The following ENAH variants were observed in gnomAD, a reference collection of about 807,000 sequenced individuals.
ENAH encodes ENAH actin regulator.
Under a neutral mutation model 78.7 loss-of-function variants are expected in ENAH, and 23 were observed. That is an observed-to-expected ratio of 0.29 (90% CI 0.21 to 0.41). ENAH has a LOEUF of 0.41. ENAH is among the 10% of genes least tolerant of loss of function. The pLI is 1.00. For synonymous variants in ENAH, 226 were observed against 241.0 expected, an observed-to-expected ratio of 0.94 and a Z score of 0.58; for missense variants, 544 against 691.0, an observed-to-expected ratio of 0.79 and a Z score of 2.39.
chr1:225,530,556 T>C lies in ENAH; in HGVS notation c.432A>G (p.Arg144=). ...GPSQEELEIQ[R]RQLQEQQRQK... ...CAAACAATAACTTGAAAATTTACCT[T>C]CTTTGAATTTCCAATTCTTCTTGGG... is the stretch of plus-strand genomic sequence containing the variant. The change falls in exon 4 of 14, where the codon AGA becomes AGG. Residue 144 remains arginine, a splice_region_variant and synonymous_variant. Coordinates refer to ENST00000366843, the MANE Select transcript of ENAH (RefSeq NM_018212.6). The C allele has an allele frequency of 6.2e-7, 1 of 1,610,448 alleles. No individual in the cohort carries two copies. The highest frequency in any genetic ancestry group is 8.5e-7 in the Non-Finnish European group (1 of 1,176,838).
Position 225,574,707 on chromosome 1 carries a change from C to A in ENAH, c.6-7293G>T, listed in dbSNP as rs1389237770. Among the ~76,000 whole-genome samples the A allele has an allele frequency of 3.0e-4, 2 of 6,578 alleles. 1 individual carries two copies. The allele number at this position is 6,578 out of a possible 152,430, so 4.3% of individuals were successfully genotyped here. On this transcript the variant is annotated intron_variant, in intron 1 of 13. Transcript: ENST00000366843. ...ACGAGGTCAGGAGATCGAGACCATC[C>A]TGGGTAACACAGTGAAACCCCGTCT...
intron 1 of ENAH, among the ~76,000 whole-genome samples, chr1:225,632,430 G>A (rs954086624): frequency 4.0e-5 from 6 of 151,588 alleles, no homozygotes; most frequent in East Asian, 1.9e-4. Context: ...CCTAGGAGGC[G>A]GAGGCTGCAG....
At chr1:225,582,999 A>AC (rs1558855300) in intron 1 of ENAH, among the ~76,000 whole-genome samples, 1 of 152,224 alleles carries the variant, frequency 6.6e-6, no homozygotes, top group African/African-American at 2.4e-5. Context: ...ATGACCACAG[A>AC]CATCTTCATA....
At chr1:225,562,520 T>G (rs1239096537) in intron 2 of ENAH, among the ~76,000 whole-genome samples, 1 of 124,106 alleles carries the variant, frequency 8.1e-6, no homozygotes, top group African/African-American at 3.2e-5. Context: ...TGCAGTGAGC[T>G]GAGATCGAGC....
At chr1:225,585,525 T>C (rs1030268439) in intron 1 of ENAH, among the ~76,000 whole-genome samples, 4 of 152,100 alleles carry the variant, frequency 2.6e-5, no homozygotes, top group Non-Finnish European at 4.4e-5. Flanking sequence ...CAGTGGCTCA[T>C]GCCTATAATC....
intron 1 of ENAH, among the ~76,000 whole-genome samples, chr1:225,650,056 C>A (rs534614803): frequency 6.6e-6 from 1 of 152,312 alleles, no homozygotes; most frequent in South Asian, 2.1e-4. Flanking sequence ...ACTTCCTAAG[C>A]ACCAAAATAT....
chr1:225,596,489 T>C lies in ENAH; in HGVS notation c.6-29075A>G, dbSNP rs149032820. Reference sequence around the variant, plus strand: ...AAACTAGGAGGACCACATATAGCCATAGTAAAACTAAACAGCTTCTGATTA... The same window carrying C: ...AAACTAGGAGGACCACATATAGCCACAGTAAAACTAAACAGCTTCTGATTA... On this transcript the variant is annotated intron_variant, in intron 1 of 13. Transcript: ENST00000366843. Among the ~76,000 whole-genome samples the C allele has an allele frequency of 2.2e-3, 335 of 152,200 alleles. 1 individual carries two copies. The highest frequency in any genetic ancestry group is 7.7e-3 in the African/African-American group (318 of 41,510).
intron 1 of ENAH, among the ~76,000 whole-genome samples, chr1:225,632,702 G>C (rs1383892665): frequency 1.3e-5 from 2 of 152,204 alleles, no homozygotes; most frequent in African/African-American, 4.8e-5. Flanking sequence ...GCATGTAAAG[G>C]CTGGCATCTT....
At chr1:225,605,235 G>A (rs565938030) in intron 1 of ENAH, among the ~76,000 whole-genome samples, 10 of 152,270 alleles carry the variant, frequency 6.6e-5, no homozygotes, top group Admixed American at 4.6e-4. Context: ...ATCTACACTC[G>A]AAATTGACAC....
Position 225,633,974 on chromosome 1 carries a change from GTTTAT to G in ENAH, c.5+18707_5+18711del, listed in dbSNP as rs1332277955. The stretch of plus-strand genomic sequence containing the variant: ...CTCAAAAGCTAATCTTTAAAAATAA[GTTTAT>G]TTTAAGTATTTGCAATAAATTAACA... On this transcript the variant is annotated intron_variant, in intron 1 of 13. Coordinates refer to ENST00000366843, the MANE Select transcript of ENAH (RefSeq NM_018212.6). 4.6e-5 allele frequency among the ~76,000 whole-genome samples: 7 copies of G among 152,128 alleles called. No individual in the cohort carries two copies. In the South Asian group the frequency reaches 6.2e-4, roughly 13 times the overall value.
At chr1:225,598,271 T>C (rs1374639784) in intron 1 of ENAH, among the ~76,000 whole-genome samples, 1 of 151,918 alleles carries the variant, frequency 6.6e-6, no homozygotes, top group Non-Finnish European at 1.5e-5. Flanking sequence ...TATAATATCT[T>C]GCTGTTTTCT....
intron 1 of ENAH, among the ~76,000 whole-genome samples, chr1:225,597,259 G>C (rs140371593): frequency 2.0e-3 from 299 of 152,166 alleles, no homozygotes; most frequent in African/African-American, 6.9e-3. Context: ...CTTGGAACAA[G>C]GTCAATACTG....
chr1:225,625,553 G>T (rs970505573), intron 1 of ENAH, among the ~76,000 whole-genome samples: 1 of 152,020 alleles, frequency 6.6e-6, no homozygotes, highest in Non-Finnish European at 1.5e-5. Flanking sequence ...ATGGAATTTC[G>T]CTCTTGTTGC....
chr1:225,640,649 C>A (rs1214050452), intron 1 of ENAH, among the ~76,000 whole-genome samples: 1 of 152,166 alleles, frequency 6.6e-6, no homozygotes, highest in Non-Finnish European at 1.5e-5. Context: ...CTGGGTGACC[C>A]TGGGCAAGTC....
At chr1:225,647,096 C>G (rs1346074239) in intron 1 of ENAH, among the ~76,000 whole-genome samples, 1 of 151,292 alleles carries the variant, frequency 6.6e-6, no homozygotes, top group Non-Finnish European at 1.5e-5. Context: ...CGTGGTGGCA[C>G]GCGCCTGTAG....
rs186527339 is a variant in ENAH, at chr1:225,506,107, C to T, written c.1538+1844G>A. Among the ~76,000 whole-genome samples, 450 of 152,280 alleles carry T rather than the reference C, an allele frequency of 3.0e-3. 1 individual carries two copies. Among genetic ancestry groups the T allele is most frequent in the Non-Finnish European group, 1.7e-3 (118 of 68,022 alleles). On this transcript the variant is annotated intron_variant, in intron 11 of 13. Coordinates refer to ENST00000366843, the MANE Select transcript of ENAH (RefSeq NM_018212.6). ...AGAATGTATTCCATTTGGAGAACCT[C>T]GTCCATGTCCCTTCTAAGACATGAC...
intron 1 of ENAH, among the ~76,000 whole-genome samples, chr1:225,593,616 A>G (rs1283517563): frequency 3.9e-5 from 6 of 152,206 alleles, no homozygotes; most frequent in African/African-American, 1.4e-4. Flanking sequence ...AATCACTAGC[A>G]TATGATGTTT....
At chr1:225,608,220 G>GAAAAAAAAAAAAAAAAAAAAGA (rs60998592) in intron 1 of ENAH, among the ~76,000 whole-genome samples, 1 of 91,298 alleles carries the variant, frequency 1.1e-5, no homozygotes, top group Non-Finnish European at 2.2e-5. Context: ...ATAAAAAACA[G>GAAAAAAAAAAAAAAAAAAAAGA]AAAAAAAAAA....
chr1:225,645,852 AG>A (rs1057224383), intron 1 of ENAH, among the ~76,000 whole-genome samples: 5 of 152,240 alleles, frequency 3.3e-5, no homozygotes, highest in African/African-American at 1.2e-4. Context: ...AGTCAAACCC[AG>A]AGTTAACTTC....
Sources: gnomAD v4.1 joint callset for allele counts (sites outside exome capture counted in the v4.1 genomes callset) on GRCh38, gnomAD v4.1.1 for gene constraint, MANE v1.5 for transcripts, NCBI Gene and HGNC (gene_info 2026-07-23, HGNC 2026-07-21) for gene names.